The following HDDC2 variants were observed in gnomAD, a reference collection of about 807,000 sequenced individuals.
HDDC2 encodes the protein 5'-deoxynucleotidase HDDC2.
In HDDC2, 25 loss-of-function variants were observed where a neutral mutation model predicts 25.5. The ratio of observed to expected loss-of-function variants is 0.98; its 90% confidence interval spans 0.72 to 1.37. HDDC2 has a LOEUF of 1.37. Ranked by LOEUF, HDDC2 falls within the 40% of genes most tolerant of loss-of-function variation. The pLI is 0.00. For synonymous variants in HDDC2, 106 were observed against 89.7 expected (o/e 1.18, Z -1.03); for missense variants, 264 against 253.1 (o/e 1.04, Z -0.29).
At chr6:125,283,391 T>C (rs1187979045) in intron 4 of HDDC2, among the ~76,000 whole-genome samples, 1 of 152,222 alleles carries the variant, frequency 6.6e-6, no homozygotes, top group Non-Finnish European at 1.5e-5. Flanking sequence ...TGTTTGCAGA[T>C]GTCATGATTA....
intron 3 of HDDC2, among the ~76,000 whole-genome samples, chr6:125,296,591 G>C (rs73772433): frequency 0.019 from 2,922 of 152,254 alleles, 88 homozygotes; most frequent in African/African-American, 0.067. Context: ...AGAGGCAATA[G>C]AACATCAGTG....
intron 4 of HDDC2, among the ~76,000 whole-genome samples, chr6:125,290,409 C>A (rs1562443826): frequency 6.6e-6 from 1 of 152,128 alleles, no homozygotes; most frequent in Non-Finnish European, 1.5e-5. Context: ...ACTTATGTAC[C>A]AACATTAGAC....
At chr6:125,278,247 A>G (rs1798402582) in intron 4 of HDDC2, 2 of 152,232 alleles carry the variant, frequency 1.3e-5, no homozygotes, top group Non-Finnish European at 2.9e-5. Context: ...ATGGAACCAA[A>G]TACACTTTGC....
chr6:125,301,018 AG>A (rs2115120659), intron 1 of HDDC2, among the ~76,000 whole-genome samples: 1 of 152,288 alleles, frequency 6.6e-6, no homozygotes, highest in Non-Finnish European at 1.5e-5. Context: ...CTACACAAGC[AG>A]AAAACACTGT....
chr6:125,278,318 T>C (rs1223487058), intron 4 of HDDC2: 1 of 152,240 alleles, frequency 6.6e-6, no homozygotes, highest in Non-Finnish European at 1.5e-5. Context: ...TTCACAGTTA[T>C]ATATTTATGT....
chr6:125,301,843 G>C lies in HDDC2; in HGVS notation c.84+6C>G. The C allele has an allele frequency of 1.6e-5, 24 of 1,539,598 alleles. No individual in the cohort carries two copies. Among genetic ancestry groups the C allele is most frequent in the Non-Finnish European group, 2.1e-5 (24 of 1,144,682 alleles). ...GCCGCGGCCTCCCGGCCTGGTGCCC[G>C]CTCACCTTGAGCTGCCCTACCAGCC... On this transcript the variant is annotated splice_donor_region_variant and intron_variant, in intron 1 of 5. Transcript: ENST00000398153.
intron 3 of HDDC2, 138 bp downstream of exon 3, chr6:125,298,576 G>T: frequency 1.5e-6 from 1 of 659,006 alleles, no homozygotes; most frequent in South Asian, 1.8e-5. Flanking sequence ...ATCTTCCCCT[G>T]ACCTTCCCCT....
chr6:125,281,645 G>A (rs1232330263), intron 4 of HDDC2, among the ~76,000 whole-genome samples: 2 of 152,106 alleles, frequency 1.3e-5, no homozygotes, highest in East Asian at 1.9e-4. Context: ...AAAGTGTGAA[G>A]ACAAGATTAA....
At chr6:125,298,494 A>AT (rs1798739595) in intron 3 of HDDC2, among the ~76,000 whole-genome samples, 1 of 152,202 alleles carries the variant, frequency 6.6e-6, no homozygotes, top group South Asian at 2.1e-4. Context: ...AAACTGTGCA[A>AT]TCCCAGCTAG....
chr6:125,301,666 T>C (rs1307983397), intron 1 of HDDC2, among the ~76,000 whole-genome samples, 183 bp downstream of exon 1: 1 of 152,080 alleles, frequency 6.6e-6, no homozygotes, highest in African/African-American at 2.4e-5. Context: ...CGCCGGCTGC[T>C]TCCTCCGTCC....
chr6:125,286,633 G>A (rs1798540665), intron 4 of HDDC2, among the ~76,000 whole-genome samples: 1 of 152,146 alleles, frequency 6.6e-6, no homozygotes, highest in Non-Finnish European at 1.5e-5. Context: ...GGTATTATAT[G>A]TGCAATGACC....
intron 4 of HDDC2, among the ~76,000 whole-genome samples, chr6:125,286,157 C>T (rs1260731): frequency 0.94 from 143,225 of 152,284 alleles, 67,467 homozygotes; most frequent in East Asian, 1. Context: ...TCATGAGGAA[C>T]CTACTAGGCA....
chr6:125,277,028 C>A, intron 5 of HDDC2, 74 bp downstream of exon 5: 1 of 1,481,312 alleles, frequency 6.8e-7, no homozygotes, highest in South Asian at 1.2e-5. Flanking sequence ...GTGGGTTTCC[C>A]TAATATTAAC....
chr6:125,300,364 T>C, intron 2 of HDDC2, 174 bp downstream of exon 2: 1 of 735,018 alleles, frequency 1.4e-6, no homozygotes, highest in Middle Eastern at 3.8e-4. Context: ...GATTGCAGTT[T>C]ACAACAACTG....
chr6:125,286,637 A>G (rs1040553121), intron 4 of HDDC2, among the ~76,000 whole-genome samples: 1 of 152,222 alleles, frequency 6.6e-6, no homozygotes, highest in Admixed American at 6.5e-5. Flanking sequence ...TTATATGTGC[A>G]ATGACCATCC....
intron 3 of HDDC2, chr6:125,293,112 A>G (rs1222493119): frequency 1.5e-6 from 1 of 653,120 alleles, no homozygotes; most frequent in Non-Finnish European, 2.8e-6. Flanking sequence ...AATCATTCAT[A>G]TGGGCTTCGC....
chr6:125,280,989 C>T (rs539225653), intron 4 of HDDC2, among the ~76,000 whole-genome samples: 5 of 152,190 alleles, frequency 3.3e-5, no homozygotes, highest in East Asian at 1.9e-4. Flanking sequence ...CCCTCTGGGA[C>T]GAAGCTTCTA....
chr6:125,282,627 C>T (rs1798475183), intron 4 of HDDC2, among the ~76,000 whole-genome samples: 1 of 152,194 alleles, frequency 6.6e-6, no homozygotes, highest in African/African-American at 2.4e-5. Flanking sequence ...AAATGACCAG[C>T]TAGCATCATA....
intron 4 of HDDC2, 114 bp from the exon 5 acceptor site, chr6:125,277,354 T>A: frequency 1.1e-6 from 1 of 950,548 alleles, no homozygotes; most frequent in Non-Finnish European, 1.6e-6. Flanking sequence ...ACATTCTGTA[T>A]CGGCCCCATT....
Sources: gnomAD v4.1 joint callset for allele counts (sites outside exome capture counted in the v4.1 genomes callset) on GRCh38, gnomAD v4.1.1 for gene constraint, MANE v1.5 for transcripts, NCBI Gene and HGNC (gene_info 2026-07-23, HGNC 2026-07-21) for gene names.